Variants in OXCT1 observed in about 807,000 individuals in gnomAD.
OXCT1 encodes succinyl-CoA:3-ketoacid coenzyme A transferase 1, mitochondrial.
In OXCT1, 27 loss-of-function variants were observed where a neutral mutation model predicts 69.6. That is an observed-to-expected ratio of 0.39 (90% CI 0.29 to 0.54). The LOEUF (loss-of-function observed/expected upper bound fraction) is 0.54. OXCT1 is among the 20% of genes least tolerant of loss of function. The pLI is 0.72. For missense variants in OXCT1, 437 were observed against 650.2 expected (o/e 0.67, Z 3.57); for synonymous variants, 202 against 217.8 (o/e 0.93, Z 0.64).
At chr5:41,815,772 T>C (rs1747211546) in intron 7 of OXCT1, among the ~76,000 whole-genome samples, 1 of 152,110 alleles carries the variant, frequency 6.6e-6, no homozygotes, top group South Asian at 2.1e-4. Context: ...ATATAATTAA[T>C]AGAATTAAAC....
chr5:41,869,556 G>A (rs577709864), intron 1 of OXCT1, among the ~76,000 whole-genome samples: 1 of 152,330 alleles, frequency 6.6e-6, no homozygotes, highest in Non-Finnish European at 1.5e-5. Context: ...AAAGGGCTCT[G>A]AAAACCGAAA....
intron 15 of OXCT1, among the ~76,000 whole-genome samples, chr5:41,742,679 G>A (rs1160777380): frequency 1.4e-5 from 2 of 146,366 alleles, no homozygotes; most frequent in South Asian, 2.1e-4. Context: ...TCCCCACCCT[G>A]TGTCCAAGTG....
intron 13 of OXCT1, among the ~76,000 whole-genome samples, chr5:41,764,302 A>G (rs1744493057): frequency 6.6e-6 from 1 of 152,166 alleles, no homozygotes; most frequent in African/African-American, 2.4e-5. Context: ...AGGAATAAGA[A>G]TATCTGTCCT....
chr5:41,783,833 G>A (rs2112190392), intron 13 of OXCT1, among the ~76,000 whole-genome samples: 1 of 152,242 alleles, frequency 6.6e-6, no homozygotes, highest in Non-Finnish European at 1.5e-5. Flanking sequence ...AGTCTTAGAG[G>A]TAAGCAGTTG....
At chr5:41,785,572 CA>C (rs1745602043) in intron 13 of OXCT1, among the ~76,000 whole-genome samples, 1 of 151,800 alleles carries the variant, frequency 6.6e-6, no homozygotes, top group Non-Finnish European at 1.5e-5. Flanking sequence ...TTAATGGCAA[CA>C]AAAAAAGGCA....
At chr5:41,821,158 A>G (rs1747529398) in intron 7 of OXCT1, among the ~76,000 whole-genome samples, 1 of 152,188 alleles carries the variant, frequency 6.6e-6, no homozygotes. Flanking sequence ...ACTTCACTCA[A>G]TATGCAGCTG....
chr5:41,771,795 T>C (rs1323546485), intron 13 of OXCT1, among the ~76,000 whole-genome samples: 7 of 152,212 alleles, frequency 4.6e-5, no homozygotes, highest in African/African-American at 1.7e-4. Flanking sequence ...ATAAATTACA[T>C]ATTTAAAAAT....
intron 7 of OXCT1, among the ~76,000 whole-genome samples, chr5:41,812,325 C>T (rs1005015150): frequency 2.0e-5 from 3 of 151,862 alleles, no homozygotes; most frequent in Admixed American, 6.6e-5. Flanking sequence ...AGGTCAGAAA[C>T]TCAAAATCAC....
chr5:41,750,519 T>C (rs114522989), intron 14 of OXCT1, among the ~76,000 whole-genome samples: 15 of 152,240 alleles, frequency 9.9e-5, no homozygotes, highest in African/African-American at 3.4e-4. Flanking sequence ...TTGGGGCTGA[T>C]AGCTACTCTA....
At chr5:41,827,010 C>T (rs757330549) in intron 7 of OXCT1, among the ~76,000 whole-genome samples, 1 of 152,154 alleles carries the variant, frequency 6.6e-6, no homozygotes, top group Non-Finnish European at 1.5e-5. Flanking sequence ...ATAGATTCCT[C>T]TTCCAACATA....
chr5:41,819,288 T>G (rs1292700583), intron 7 of OXCT1, among the ~76,000 whole-genome samples: 2 of 150,468 alleles, frequency 1.3e-5, no homozygotes, highest in African/African-American at 4.9e-5. Flanking sequence ...GTACCTTATT[T>G]AATAATCTTT....
intron 7 of OXCT1, among the ~76,000 whole-genome samples, 173 bp from the exon 8 acceptor site, chr5:41,807,611 C>T (rs1746749560): frequency 6.6e-6 from 1 of 151,990 alleles, no homozygotes; most frequent in Non-Finnish European, 1.5e-5. Flanking sequence ...TATCACACCT[C>T]CTGGACCCAC....
At chr5:41,837,368 C>T (rs951390366) in intron 7 of OXCT1, among the ~76,000 whole-genome samples, 17 of 151,744 alleles carry the variant, frequency 1.1e-4, no homozygotes, top group African/African-American at 4.1e-4. Flanking sequence ...ATGCCTCCCA[C>T]TGCTTAAGAT....
intron 3 of OXCT1, among the ~76,000 whole-genome samples, chr5:41,855,238 G>T (rs567666850): frequency 6.6e-6 from 1 of 152,158 alleles, no homozygotes; most frequent in Non-Finnish European, 1.5e-5. Context: ...TCAAAAGTAA[G>T]GCTAACGATT....
chr5:41,781,125 G>T (rs1465536908), intron 13 of OXCT1, among the ~76,000 whole-genome samples: 4 of 151,978 alleles, frequency 2.6e-5, no homozygotes, highest in Non-Finnish European at 5.9e-5. Flanking sequence ...GGATGGTCTT[G>T]ATCTCCTGAC....
At position 41,745,669 on chromosome 5, in the gene OXCT1, G is replaced by A. The variant is rs534339575; in HGVS notation, c.1419+3858C>T. Among the ~76,000 whole-genome samples, 292 of 151,950 alleles carry A rather than the reference G, an allele frequency of 1.9e-3. 3 individuals are homozygous for A. Among genetic ancestry groups the A allele is most frequent in the Non-Finnish European group, 3.1e-4 (21 of 67,952 alleles). On this transcript the variant is annotated intron_variant, in intron 15 of 16. Coordinates refer to ENST00000196371, the MANE Select transcript of OXCT1 (RefSeq NM_000436.4). ...GACCGCTAGCAAGACTAATAAAGAAGGAAAGAGAGAAGAATCAAATAGACG... is the reference window on the plus strand; with the variant it reads ...GACCGCTAGCAAGACTAATAAAGAAAGAAAGAGAGAAGAATCAAATAGACG...
chr5:41,859,563 A>G (rs906145816), intron 3 of OXCT1, among the ~76,000 whole-genome samples: 3 of 152,128 alleles, frequency 2.0e-5, no homozygotes, highest in Non-Finnish European at 2.9e-5. Context: ...CTGTAGTTAC[A>G]TGAGACAAAT....
At chr5:41,765,922 G>T (rs578036335) in intron 13 of OXCT1, among the ~76,000 whole-genome samples, 20 of 152,160 alleles carry the variant, frequency 1.3e-4, no homozygotes, top group African/African-American at 4.8e-4. Context: ...TACAGAACAA[G>T]AAGCTGATAA....
intron 7 of OXCT1, among the ~76,000 whole-genome samples, chr5:41,825,069 G>A (rs1747736350): frequency 6.6e-6 from 1 of 152,168 alleles, no homozygotes; most frequent in African/African-American, 2.4e-5. Context: ...GCACAGAAAA[G>A]GTAGCAGGGT....
Sources: allele counts gnomAD v4.1 joint callset (sites outside exome capture counted in the v4.1 genomes callset), GRCh38; gene constraint gnomAD v4.1.1; transcripts MANE v1.5; gene names NCBI Gene and HGNC (gene_info 2026-07-23, HGNC 2026-07-21).